Variants in PCDH15 observed in about 807,000 individuals in gnomAD.
PCDH15 encodes protocadherin related 15.
PCDH15 carries 129 observed loss-of-function variants against 178.5 expected under a neutral mutation model. The observed-to-expected ratio is 0.72, with a 90% confidence interval of 0.63 to 0.84. The LOEUF is 0.84. PCDH15 is among the 40% of genes least tolerant of loss of function. The pLI is 0.00. For synonymous variants in PCDH15, 800 were observed against 732.0 expected (o/e 1.09, Z -1.50); for missense variants, 2,230 against 2,099.9 (o/e 1.06, Z -1.21).
intron 2 of PCDH15, among the ~76,000 whole-genome samples, chr10:55,053,917 T>C (rs1003036415): frequency 2.4e-4 from 37 of 152,180 alleles, no homozygotes; most frequent in African/African-American, 8.9e-4. Context: ...ATTCCCTTAA[T>C]GGCCATTAGA....
intron 2 of PCDH15, among the ~76,000 whole-genome samples, chr10:54,933,519 A>G (rs188073699): frequency 1.4e-3 from 209 of 152,276 alleles, no homozygotes; most frequent in Admixed American, 0.012. Flanking sequence ...TAGAAGAGCA[A>G]AAGAGAAGAC....
At chr10:54,423,284 G>A (rs528257659) in intron 3 of PCDH15, among the ~76,000 whole-genome samples, 1 of 150,542 alleles carries the variant, frequency 6.6e-6, no homozygotes, top group Admixed American at 6.6e-5. Flanking sequence ...GATTCTCAGG[G>A]AGAGAGAAGG....
At chr10:55,437,887 G>A (rs1839083724) in intron 2 of PCDH15, among the ~76,000 whole-genome samples, 2 of 150,038 alleles carry the variant, frequency 1.3e-5, no homozygotes, top group Admixed American at 1.3e-4. Context: ...TCCCAGGCGG[G>A]AGTGCAATGG....
intron 1 of PCDH15, among the ~76,000 whole-genome samples, chr10:54,697,666 G>C (rs1429489823): frequency 1.6e-5 from 1 of 64,342 alleles, no homozygotes; most frequent in East Asian, 4.2e-4. Context: ...GGAAGGGGAA[G>C]GGGGAAGGGG....
chr10:54,333,224 A>T (rs1484593053), intron 6 of PCDH15, among the ~76,000 whole-genome samples: 7 of 152,100 alleles, frequency 4.6e-5, no homozygotes, highest in Non-Finnish European at 8.8e-5. Flanking sequence ...GGGATTAAAG[A>T]TGTGAGCCAC....
chr10:53,939,592 C>T (rs578167193), intron 24 of PCDH15, among the ~76,000 whole-genome samples: 1 of 152,026 alleles, frequency 6.6e-6, no homozygotes, highest in African/African-American at 2.4e-5. Context: ...TTAATAATCC[C>T]TTATAATACT....
intron 8 of PCDH15, among the ~76,000 whole-genome samples, chr10:54,262,671 A>G (rs1374557844): frequency 6.6e-6 from 1 of 152,032 alleles, no homozygotes; most frequent in African/African-American, 2.4e-5. Context: ...AAGGAGGAGG[A>G]TCCTCCACAG....
intron 1 of PCDH15, among the ~76,000 whole-genome samples, chr10:55,245,388 C>G (rs1041025806): frequency 1.3e-5 from 2 of 151,962 alleles, no homozygotes; most frequent in Admixed American, 1.3e-4. Context: ...AACACCCCCC[C>G]AAAACATCTT....
chr10:53,892,044 TCCA>T (rs2081602181), intron 26 of PCDH15, among the ~76,000 whole-genome samples: 1 of 145,032 alleles, frequency 6.9e-6, no homozygotes, highest in Non-Finnish European at 1.5e-5. Context: ...TTTTTTTTTT[TCCA>T]AGACAGAGTC....
chr10:55,235,896 G>T (rs1841369847), intron 1 of PCDH15, among the ~76,000 whole-genome samples: 1 of 127,194 alleles, frequency 7.9e-6, no homozygotes, highest in African/African-American at 3.0e-5. Context: ...GACAGAGCGA[G>T]ACTCCATGTC....
intron 5 of PCDH15, among the ~76,000 whole-genome samples, chr10:54,346,883 G>A (rs1943383404): frequency 6.6e-6 from 1 of 152,218 alleles, no homozygotes; most frequent in African/African-American, 2.4e-5. Flanking sequence ...CGATTTACGA[G>A]TGAGCAATGA....
At chr10:55,340,412 T>A (rs965438997) in intron 2 of PCDH15, among the ~76,000 whole-genome samples, 3 of 151,964 alleles carry the variant, frequency 2.0e-5, no homozygotes. Flanking sequence ...GTATAAATGA[T>A]AAAGTATATG....
chr10:54,064,353 G>A (rs1029070612), intron 18 of PCDH15, among the ~76,000 whole-genome samples: 7 of 152,112 alleles, frequency 4.6e-5, no homozygotes, highest in African/African-American at 1.4e-4. Flanking sequence ...ATTGGTCCAC[G>A]GGTGGCCATG....
chr10:54,185,253 G>C lies in PCDH15; in HGVS notation c.1321C>G (p.Leu441Val), dbSNP rs746501228. Reference sequence around the variant, plus strand: ...GTGTAGTCATTCAGAAAAAGGTGAAGCTCTGGGTCTTTTGTCTTTGAAAAA... The same window carrying C: ...GTGTAGTCATTCAGAAAAAGGTGAACCTCTGGGTCTTTTGTCTTTGAAAAA... ...KDIEDTKDPE[L>V]HLFLNDYTSV... Residue 441 changes from leucine to valine, a missense_variant, in exon 12 of 38, where the codon CTT (leucine) becomes GTT (valine). By Grantham distance (32) the Leu-to-Val change is conservative (BLOSUM62 1). Coordinates refer to ENST00000644397, the MANE Select transcript of PCDH15 (RefSeq NM_001384140.1). The C allele has an allele frequency of 6.2e-7, 1 of 1,613,340 alleles. No individual in the cohort carries two copies. Among genetic ancestry groups the C allele is most frequent in the South Asian group, 1.1e-5 (1 of 91,068 alleles).
intron 1 of PCDH15, among the ~76,000 whole-genome samples, chr10:54,770,245 T>C (rs1022308726): frequency 1.3e-5 from 2 of 152,162 alleles, no homozygotes; most frequent in African/African-American, 4.8e-5. Flanking sequence ...TTTCAAATTA[T>C]GACCTTGATA....
At chr10:54,890,356 C>G (rs1046953878) in intron 3 of PCDH15, among the ~76,000 whole-genome samples, 1 of 151,860 alleles carries the variant, frequency 6.6e-6, no homozygotes, top group African/African-American at 2.4e-5. Context: ...TTATAAGATA[C>G]ATCAATGAGT....
chr10:55,476,817 A>T (rs1840071040), intron 2 of PCDH15, among the ~76,000 whole-genome samples: 1 of 152,018 alleles, frequency 6.6e-6, no homozygotes, highest in Non-Finnish European at 1.5e-5. Context: ...GAGCATTGCA[A>T]TTACATTTAC....
At chr10:55,600,554 C>T (rs1843053924) in intron 2 of PCDH15, among the ~76,000 whole-genome samples, 1 of 152,064 alleles carries the variant, frequency 6.6e-6, no homozygotes, top group African/African-American at 2.4e-5. Flanking sequence ...GGTTTACGAC[C>T]TTGATGTTGG....
intron 1 of PCDH15, among the ~76,000 whole-genome samples, chr10:55,249,965 A>T (rs1226437753): frequency 2.6e-5 from 4 of 152,074 alleles, no homozygotes; most frequent in African/African-American, 7.2e-5. Flanking sequence ...TCTCTAGAAA[A>T]AAAATCACAT....
Sources: allele counts gnomAD v4.1 joint callset (sites outside exome capture counted in the v4.1 genomes callset), GRCh38; gene constraint gnomAD v4.1.1; transcripts MANE v1.5; gene names NCBI Gene and HGNC (gene_info 2026-07-23, HGNC 2026-07-21).